The following ZNF521 variants were observed in gnomAD, a reference collection of about 807,000 sequenced individuals.
ZNF521 encodes the protein zinc finger protein 521, also known as LYST-interacting protein 3.
In ZNF521, 14 loss-of-function variants were observed where a neutral mutation model predicts 105.5. The observed-to-expected ratio is 0.13, with a 90% CI of 0.09 to 0.21. The LOEUF (loss-of-function observed/expected upper bound fraction) is 0.21. Among genes scored for constraint, ZNF521 ranks in the 10% least tolerant of loss-of-function variants. The pLI is 1.00. For missense variants in ZNF521, 1,233 were observed against 1,629.7 expected (o/e 0.76, Z 4.19); for synonymous variants, 635 against 606.0 (o/e 1.05, Z -0.70).
intron 4 of ZNF521, chr18:25,201,211 A>G (rs934942450): frequency 6.6e-6 from 1 of 151,982 alleles, no homozygotes; most frequent in African/African-American, 2.4e-5. Flanking sequence ...GAGGCAACAC[A>G]TGGGTAATTC....
In ZNF521 at chr18:25,107,228, A is replaced by C. The variant is rs181300095; in HGVS notation, c.3659-15147T>G. On this transcript the variant is annotated intron_variant, in intron 5 of 7. Transcript: ENST00000361524. ...GAGACTCAATCAAAATAACATATAT[A>C]AAGTATCTAGCATAATACTTGGCCT... is the stretch of plus-strand genomic sequence containing the variant. 2.4e-4 allele frequency among the ~76,000 whole-genome samples: 36 copies of C among 152,358 alleles called. No homozygotes were observed. In the East Asian group the frequency reaches 5.4e-3, roughly 23 times the overall value.
intron 3 of ZNF521, among the ~76,000 whole-genome samples, chr18:25,273,972 A>T (rs886771158): frequency 6.6e-6 from 1 of 152,156 alleles, no homozygotes; most frequent in African/African-American, 2.4e-5. Context: ...CATCTCACAG[A>T]CCAAGAAGCT....
chr18:25,225,040 T>A lies in ZNF521; in HGVS notation c.2878A>T (p.Met960Leu). The A allele has an allele frequency of 6.2e-7, 1 of 1,614,134 alleles. No individual in the cohort carries two copies. The highest frequency in any genetic ancestry group is 1.1e-5 in the South Asian group (1 of 91,080). The change falls in exon 4 of 8, where the codon ATG becomes TTG. Residue 960 changes from methionine (M) to leucine (L), a missense_variant. By Grantham distance (15) the Met-to-Leu change is conservative (BLOSUM62 2). Transcript: ENST00000361524. This position sits in a 1 kb window ranked among gnomAD's most constrained non-coding sequence, Gnocchi z 5.6. The stretch of plus-strand genomic sequence containing the variant: ...AACCGCTCTCCGCAAATAGGGCACA[T>A]GTAGTGTTTGACAGGGCCTAGGTGG... ...QTHLGPVKHY[M>L]CPICGERFPS...
Position 25,225,576 on chromosome 18 carries a change from T to C in ZNF521, c.2342A>G (p.Lys781Arg). Residue 781 changes from lysine (K) to arginine (R), a missense_variant, in exon 4 of 8, where the codon AAA becomes AGA. Around this residue, in one of 6 missense-constraint regions of ZNF521, gnomAD observed 614 missense variants for 751.5 expected, o/e 0.82. Coordinates refer to ENST00000361524, the MANE Select transcript of ZNF521 (RefSeq NM_015461.3). This position sits in a 1 kb window ranked among gnomAD's most constrained non-coding sequence, Gnocchi z 5.6. ...VKHNHLENQG[K>R]VHKCIFCGES... ...ACCGCAGAAAATGCACTTATGCACT[T>C]TCCCTTGGTTTTCCAGGTGGTTGTG... 1 of 1,614,216 alleles carries C rather than the reference T, an allele frequency of 6.2e-7. No individual in the cohort carries two copies. The highest frequency in any genetic ancestry group is 8.5e-7 in the Non-Finnish European group (1 of 1,180,034).
At chr18:25,164,861 C>T (rs1172676252) in intron 5 of ZNF521, among the ~76,000 whole-genome samples, 2 of 152,134 alleles carry the variant, frequency 1.3e-5, no homozygotes, top group Non-Finnish European at 1.5e-5. Context: ...ATAGTTATAC[C>T]CACTGGCGCA....
intron 3 of ZNF521, among the ~76,000 whole-genome samples, chr18:25,290,941 C>T (rs1910982065): frequency 6.6e-6 from 1 of 152,116 alleles, no homozygotes; most frequent in South Asian, 2.1e-4. Context: ...ATTTCCATCA[C>T]TGTACTCCAT....
chr18:25,213,676 AT>A (rs2036232897), intron 4 of ZNF521, among the ~76,000 whole-genome samples: 2 of 151,992 alleles, frequency 1.3e-5, no homozygotes, highest in Non-Finnish European at 2.9e-5. Flanking sequence ...GTATTTTCTC[AT>A]TTTGTATTTT....
intron 3 of ZNF521, among the ~76,000 whole-genome samples, chr18:25,265,050 T>C (rs1909153572): frequency 6.6e-6 from 1 of 152,198 alleles, no homozygotes; most frequent in Non-Finnish European, 1.5e-5. Context: ...TAACTATTAT[T>C]ATTTGATTTT....
Position 25,322,099 on chromosome 18 carries a change from G to C in ZNF521, c.129C>G (p.Asp43Glu). 1 of 1,614,096 alleles carries C rather than the reference G, an allele frequency of 6.2e-7. No homozygotes were observed. The highest frequency in any genetic ancestry group is 8.5e-7 in the Non-Finnish European group (1 of 1,180,012). The change falls in exon 3 of 8, where the codon GAC becomes GAG. Residue 43 changes from aspartate to glutamate, a missense_variant. Around this residue, in one of 6 missense-constraint regions of ZNF521, gnomAD observed 76 missense variants for 79.3 expected, o/e 0.96. Transcript: ENST00000361524. ...KRPEDGEELE[D>E]EAVHSCDSCL... ...AGCTGTCACAGCTGTGCACAGCTTC[G>C]TCTTCCAACTCCTCCCCGTCTTCCG...
chr18:25,139,050 C>T (rs542782474), intron 5 of ZNF521, among the ~76,000 whole-genome samples: 70 of 152,184 alleles, frequency 4.6e-4, no homozygotes, highest in South Asian at 3.3e-3. Context: ...GTTGAGTAAG[C>T]GTTCCATGTG....
At chr18:25,330,169 TTTC>T (rs1249277561) in intron 2 of ZNF521, among the ~76,000 whole-genome samples, 1 of 138,854 alleles carries the variant, frequency 7.2e-6, no homozygotes, top group Non-Finnish European at 1.6e-5. Flanking sequence ...CTTTTTTCTT[TTTC>T]TTTTTTTTTT....
chr18:25,149,540 C>G (rs2035007108), intron 5 of ZNF521, among the ~76,000 whole-genome samples: 1 of 152,110 alleles, frequency 6.6e-6, no homozygotes, highest in Non-Finnish European at 1.5e-5. Flanking sequence ...CATGTTTAAA[C>G]CAGACTCAAG....
At chr18:25,312,528 C>CCAACTATAGATGAT (rs1600292134) in intron 3 of ZNF521, among the ~76,000 whole-genome samples, 2 of 110,802 alleles carry the variant, frequency 1.8e-5, no homozygotes, top group African/African-American at 6.7e-5. Flanking sequence ...GAAGTTGGAA[C>CCAACTATAGATGAT]CAGGCCGGGC....
intron 5 of ZNF521, among the ~76,000 whole-genome samples, chr18:25,141,858 C>T (rs2034854177): frequency 1.3e-5 from 2 of 152,130 alleles, no homozygotes; most frequent in South Asian, 4.1e-4. Flanking sequence ...TCCAAAACAT[C>T]ACCATACGAC....
chr18:25,199,551 T>C (rs1266856272), intron 4 of ZNF521, among the ~76,000 whole-genome samples: 1 of 151,940 alleles, frequency 6.6e-6, no homozygotes, highest in Admixed American at 6.6e-5. Context: ...ATACTGAGTA[T>C]TTAGGGATGA....
At chr18:25,280,769 T>C (rs1910317151) in intron 3 of ZNF521, among the ~76,000 whole-genome samples, 1 of 152,362 alleles carries the variant, frequency 6.6e-6, no homozygotes, top group Non-Finnish European at 1.5e-5. Flanking sequence ...GTAAATGGTA[T>C]TGTCCCATTG....
intron 5 of ZNF521, among the ~76,000 whole-genome samples, chr18:25,178,514 C>T (rs1450815293): frequency 6.6e-6 from 1 of 152,198 alleles, no homozygotes; most frequent in African/African-American, 2.4e-5. Context: ...ATGTCCCATA[C>T]TCAGGACGAT....
At chr18:25,282,499 C>T (rs926296963) in intron 3 of ZNF521, among the ~76,000 whole-genome samples, 1 of 152,022 alleles carries the variant, frequency 6.6e-6, no homozygotes, top group South Asian at 2.1e-4. Context: ...GTCTGCAGAG[C>T]GGCACTCCAT....
intron 3 of ZNF521, among the ~76,000 whole-genome samples, chr18:25,294,927 T>A (rs1911243218): frequency 7.1e-6 from 1 of 141,772 alleles, no homozygotes; most frequent in Admixed American, 7.1e-5. Flanking sequence ...ATCTGCGACA[T>A]CCTTTATCTC....
Sources: allele counts gnomAD v4.1 joint callset (sites outside exome capture counted in the v4.1 genomes callset), GRCh38; gene constraint gnomAD v4.1.1; regional missense constraint gnomAD v4.1.1; non-coding constraint Gnocchi (gnomAD v3.1); transcripts MANE v1.5; gene names NCBI Gene and HGNC (gene_info 2026-07-23, HGNC 2026-07-21).